The following CD109 variants were observed in gnomAD, a reference collection of about 807,000 sequenced individuals.
CD109 encodes the protein CD109 molecule.
Under a neutral mutation model 165.8 loss-of-function variants are expected in CD109, and 149 were observed. The observed-to-expected ratio is 0.90, with a 90% CI of 0.79 to 1.03. The LOEUF is 1.03. Ranked by LOEUF, CD109 falls within the 50% of genes least tolerant of loss-of-function variation. The probability of loss-of-function intolerance (pLI) is 0.00; values close to 1 mark genes in which losing one functional copy is unlikely to be tolerated. For synonymous variants in CD109, 585 were observed against 592.1 expected, an observed-to-expected ratio of 0.99 and a Z score of 0.18; for missense variants, 1,712 against 1,677.8, an observed-to-expected ratio of 1.02 and a Z score of -0.36.
At chr6:73,750,157 C>T (rs1056348580) in intron 5 of CD109, among the ~76,000 whole-genome samples, 1 of 152,042 alleles carries the variant, frequency 6.6e-6, no homozygotes, top group African/African-American at 2.4e-5. Context: ...GACTGGATTT[C>T]GATTGGAGCA....
chr6:73,803,168 A>T (rs1409130656), intron 23 of CD109, 52 bp from the exon 24 acceptor site: 9 of 1,235,008 alleles, frequency 7.3e-6, no homozygotes, highest in Non-Finnish European at 1.1e-5. Flanking sequence ...AGAAACTTTC[A>T]TCCATTGCAA....
intron 5 of CD109, among the ~76,000 whole-genome samples, chr6:73,749,018 C>T (rs150407966): frequency 6.0e-4 from 92 of 152,112 alleles, no homozygotes; most frequent in African/African-American, 2.0e-3. Context: ...ATTGCTATTA[C>T]GTAGGCAATA....
chr6:73,708,303 C>T (rs1771380499), intron 2 of CD109, among the ~76,000 whole-genome samples: 1 of 152,098 alleles, frequency 6.6e-6, no homozygotes, highest in Non-Finnish European at 1.5e-5. Flanking sequence ...CCAGCTTCAT[C>T]CATGTCCCTA....
At chr6:73,705,404 C>T (rs1771229143) in intron 2 of CD109, among the ~76,000 whole-genome samples, 1 of 152,046 alleles carries the variant, frequency 6.6e-6, no homozygotes, top group Non-Finnish European at 1.5e-5. Flanking sequence ...ACTTGGGAGG[C>T]TGAGGTGAGC....
Position 73,768,108 on chromosome 6 carries a change from C to T in CD109, c.1551C>T (p.Phe517=). ...VAVGKQNSTM[F]SLTPENSWTP... ...TAGGAAAACAAAATTCAACAATGTT[C>T]TCTTTAACACCAGAAAATTCTTGGA... The change falls in exon 14 of 33, where the codon TTC becomes TTT. Residue 517 remains phenylalanine (F), a synonymous_variant. Transcript: ENST00000287097. 1.9e-6 allele frequency: 3 copies of T among 1,613,066 alleles called. No homozygotes were observed. The highest frequency in any genetic ancestry group is 2.5e-6 in the Non-Finnish European group (3 of 1,179,288).
intron 20 of CD109, among the ~76,000 whole-genome samples, chr6:73,786,318 T>C (rs2150257505): frequency 6.6e-6 from 1 of 152,344 alleles, no homozygotes; most frequent in Non-Finnish European, 1.5e-5. Flanking sequence ...TAAGTAGAGA[T>C]ACGTAATTAA....
chr6:73,737,521 G>C (rs1224450894), intron 5 of CD109, among the ~76,000 whole-genome samples: 2 of 152,248 alleles, frequency 1.3e-5, no homozygotes, highest in Admixed American at 6.5e-5. Flanking sequence ...TTATGAAAGG[G>C]GCTCATACTG....
intron 4 of CD109, among the ~76,000 whole-genome samples, chr6:73,733,961 G>A (rs929988102): frequency 6.6e-6 from 1 of 152,140 alleles, no homozygotes; most frequent in Non-Finnish European, 1.5e-5. Context: ...TGACTCGAAG[G>A]GCATGTGGGG....
At chr6:73,731,007 G>A (rs1772349397) in intron 4 of CD109, among the ~76,000 whole-genome samples, 1 of 151,988 alleles carries the variant, frequency 6.6e-6, no homozygotes, top group African/African-American at 2.4e-5. Flanking sequence ...GAGAGAAAAA[G>A]GGAGTGAGAG....
chr6:73,726,813 T>G (rs1772156394), intron 3 of CD109, among the ~76,000 whole-genome samples: 1 of 152,220 alleles, frequency 6.6e-6, no homozygotes, highest in South Asian at 2.1e-4. Context: ...TGGTCAAAGC[T>G]TTGGGATATT....
In CD109 at chr6:73,720,038, C is replaced by T. The variant is rs1313796411; in HGVS notation, c.248-3213C>T. The stretch of plus-strand genomic sequence containing the variant: ...AATCAGTATGTTGAAGAGATAGCTG[C>T]ACCCCCACATCCACTGCAGCATTAT... On this transcript the variant is annotated intron_variant, in intron 2 of 32. Transcript: ENST00000287097. 2.0e-5 allele frequency among the ~76,000 whole-genome samples: 3 copies of T among 152,246 alleles called. No individual in the cohort carries two copies. In the East Asian group the frequency reaches 5.8e-4, roughly 29 times the overall value.
Position 73,781,269 on chromosome 6 carries a change from T to A in CD109, c.1913T>A (p.Leu638His), listed in dbSNP as rs939093271. The change falls in exon 17 of 33, where the codon CTC becomes CAC. Residue 638 changes from leucine to histidine, a missense_variant. By Grantham distance (99) the Leu-to-His change is moderately conservative (BLOSUM62 -3). Coordinates refer to ENST00000287097, the MANE Select transcript of CD109 (RefSeq NM_133493.5). ...AATTATTCTTTTTAGGAATGTGGAC[T>A]CTGGGTATTGACAGATGCAAACCTC... is the stretch of plus-strand genomic sequence containing the variant. ...NSFAVFQECGLWVLTDANLTK... is the reference protein window; with the variant it reads ...NSFAVFQECGHWVLTDANLTK... 7.4e-6 allele frequency: 12 copies of A among 1,612,288 alleles called. No homozygotes were observed. The highest frequency in any genetic ancestry group is 1.0e-5 in the Non-Finnish European group (12 of 1,178,634).
At chr6:73,696,035 G>A, upstream of CD109, 1 of 596,662 alleles carries the variant, frequency 1.7e-6, no homozygotes, top group Non-Finnish European at 3.0e-6. Context: ...GATGGGAGGG[G>A]TGGAGCCTCC....
chr6:73,755,384 C>T (rs775703501), intron 5 of CD109, among the ~76,000 whole-genome samples: 5 of 152,106 alleles, frequency 3.3e-5, no homozygotes, highest in Non-Finnish European at 7.4e-5. Flanking sequence ...CCAATTGATA[C>T]ACAATTTATT....
At position 73,781,240 on chromosome 6, in the gene CD109, T is replaced by C. The variant is rs940924817; in HGVS notation, c.1903-19T>C. On this transcript the variant is annotated intron_variant, in intron 16 of 32. Coordinates refer to ENST00000287097, the MANE Select transcript of CD109 (RefSeq NM_133493.5). ...TTTAAACTTGTGTTTTAAAAGAAAATAAAAATTATTCTTTTTAGGAATGTG... is the reference window on the plus strand; with the variant it reads ...TTTAAACTTGTGTTTTAAAAGAAAACAAAAATTATTCTTTTTAGGAATGTG... 12 of 1,597,758 alleles carry C rather than the reference T, an allele frequency of 7.5e-6. No individual in the cohort carries two copies. The highest frequency in any genetic ancestry group is 9.4e-6 in the Non-Finnish European group (11 of 1,166,488).
the CD109 span, among the ~76,000 whole-genome samples, chr6:73,684,608 T>TG: frequency 5.3e-5 from 8 of 152,148 alleles, no homozygotes; most frequent in Non-Finnish European, 1.2e-4. Flanking sequence ...TGATGATTAG[T>TG]GGTATTGAAC....
intron 3 of CD109, among the ~76,000 whole-genome samples, chr6:73,725,504 C>CTTCTT (rs747396382): frequency 4.5e-4 from 40 of 89,366 alleles, no homozygotes; most frequent in Non-Finnish European, 6.5e-4. Context: ...TACTACACTT[C>CTTCTT]TTTTTTTTTT....
chr6:73,716,763 G>A lies in CD109; in HGVS notation c.248-6488G>A, dbSNP rs566818115. Among the ~76,000 whole-genome samples the A allele has an allele frequency of 9.9e-5, 15 of 152,176 alleles. 1 individual carries two copies. The highest frequency in any genetic ancestry group is 6.5e-4 in the Admixed American group (10 of 15,282). ...TTTTGTTGATTGTTTCCTTTATTGC[G>A]CAGAAGCTTTTTAACTTGACGTGAT... On this transcript the variant is annotated intron_variant, in intron 2 of 32. Transcript: ENST00000287097.
intron 32 of CD109, among the ~76,000 whole-genome samples, chr6:73,822,160 G>A (rs1474649055): frequency 6.6e-6 from 1 of 152,202 alleles, no homozygotes; most frequent in Non-Finnish European, 1.5e-5. Context: ...GATGGCCCAA[G>A]TTTAATAGGA....
Sources: allele counts gnomAD v4.1 joint callset (sites outside exome capture counted in the v4.1 genomes callset), GRCh38; gene constraint gnomAD v4.1.1; transcripts MANE v1.5; gene names NCBI Gene and HGNC (gene_info 2026-07-23, HGNC 2026-07-21).